Variants in FADS2 observed in about 807,000 individuals in gnomAD.
The protein encoded by FADS2 is fatty acid desaturase 2, also known as acyl-CoA 6-desaturase.
FADS2 carries 18 observed loss-of-function variants against 61.2 expected under a neutral mutation model. That is an observed-to-expected ratio of 0.29 (90% confidence interval 0.20 to 0.44). The LOEUF is 0.44. FADS2 is among the 20% of genes least tolerant of loss of function. The pLI is 1.00. For missense variants in FADS2, 322 were observed against 572.7 expected (o/e 0.56, Z 4.47); for synonymous variants, 203 against 223.9 (o/e 0.91, Z 0.83).
chr11:61,843,751 C>T (rs1287609865), intron 4 of FADS2, among the ~76,000 whole-genome samples: 2 of 152,114 alleles, frequency 1.3e-5, no homozygotes, highest in African/African-American at 2.4e-5. Flanking sequence ...CTCCGTCTCC[C>T]GGGTTCAAGC....
At chr11:61,819,378 C>A (rs1408731522) in intron 1 of FADS2, among the ~76,000 whole-genome samples, 1 of 152,070 alleles carries the variant, frequency 6.6e-6, no homozygotes, top group Non-Finnish European at 1.5e-5. Context: ...GAGTTCAAGA[C>A]CAGCCTGAAC....
intron 5 of FADS2, chr11:61,848,932 C>T (rs1369882241): frequency 6.6e-6 from 1 of 152,400 alleles, no homozygotes; most frequent in Admixed American, 6.5e-5. Context: ...CGGAGTCTTG[C>T]TCTGTTGCCC....
intron 7 of FADS2, 122 bp downstream of exon 7, chr11:61,857,652 T>C: frequency 3.9e-6 from 3 of 761,422 alleles, no homozygotes; most frequent in South Asian, 2.9e-5. Context: ...AGGCATCTCC[T>C]CCCTGGGGTA....
At chr11:61,857,621 C>T (rs1177634021) in intron 7 of FADS2, 91 bp downstream of exon 7, 7 of 1,179,334 alleles carry the variant, frequency 5.9e-6, no homozygotes, top group Non-Finnish European at 7.6e-6. Flanking sequence ...TCGTGTGCCC[C>T]AGTGGAGCCT....
intron 10 of FADS2, among the ~76,000 whole-genome samples, chr11:61,864,568 A>G (rs2067445618): frequency 6.7e-6 from 1 of 149,214 alleles, no homozygotes; most frequent in South Asian, 2.1e-4. Context: ...TAATTTTTGT[A>G]TTTTTTAGTG....
chr11:61,833,672 A>G (rs2067147522), intron 1 of FADS2, among the ~76,000 whole-genome samples: 1 of 152,194 alleles, frequency 6.6e-6, no homozygotes. Flanking sequence ...AGCCACTCCC[A>G]TGGCCCCGTG....
intron 4 of FADS2, among the ~76,000 whole-genome samples, chr11:61,841,551 A>G (rs1231350905): frequency 1.3e-5 from 2 of 150,978 alleles, no homozygotes; most frequent in African/African-American, 4.9e-5. Context: ...AAAAAAAAAA[A>G]GAAAAAGAAA....
chr11:61,845,907 CTTG>C (rs2067254708), intron 4 of FADS2, among the ~76,000 whole-genome samples: 1 of 152,092 alleles, frequency 6.6e-6, no homozygotes, highest in Admixed American at 6.6e-5. Flanking sequence ...TCACTGCCTC[CTTG>C]TTGTCAGCCC....
chr11:61,863,047 C>T lies in FADS2; in HGVS notation c.958C>T (p.Leu320Phe), dbSNP rs1190899629. 4.3e-6 allele frequency: 7 copies of T among 1,614,186 alleles called. No individual in the cohort carries two copies. The highest frequency in any genetic ancestry group is 5.9e-6 in the Non-Finnish European group (7 of 1,179,984). Residue 320 changes from leucine (L) to phenylalanine (F), a missense_variant, in exon 8 of 12, where the codon CTC (leucine) becomes TTC (phenylalanine). Around this residue, in one of 3 missense-constraint regions of FADS2, gnomAD observed 221 missense variants for 427.9 expected, o/e 0.52. Coordinates refer to ENST00000278840, the MANE Select transcript of FADS2 (RefSeq NM_004265.4). ...YIPFYGILGALLFLNFIRFLE... is the reference protein window; with the variant it reads ...YIPFYGILGAFLFLNFIRFLE... The stretch of plus-strand genomic sequence containing the variant: ...CCCTTTCTACGGCATCCTGGGAGCC[C>T]TCCTTTTCCTCAACTTCATCAGGTG...
In FADS2 at chr11:61,828,441, G is replaced by C; in HGVS notation, c.51G>C (p.Ser17=). 6.3e-7 allele frequency: 1 copy of C among 1,594,822 alleles called. No individual in the cohort carries two copies. The highest frequency in any genetic ancestry group is 8.5e-7 in the Non-Finnish European group (1 of 1,172,324). Residue 17 remains serine (S), a synonymous_variant, in exon 1 of 12, where the codon TCG becomes TCC. Coordinates refer to ENST00000278840, the MANE Select transcript of FADS2 (RefSeq NM_004265.4). This position sits in a 1 kb window ranked among gnomAD's most constrained non-coding sequence, Gnocchi z 6.4. ...QGEGAAEREV[S]VPTFSWEEIQ... ...AGGGGGCCGCCGAGCGCGAGGTGTC[G>C]GTGCCCACCTTCAGCTGGGAGGAGA...
At chr11:61,830,351 T>A (rs1428150214) in intron 1 of FADS2, among the ~76,000 whole-genome samples, 1 of 152,266 alleles carries the variant, frequency 6.6e-6, no homozygotes, top group Non-Finnish European at 1.5e-5. Context: ...GAACGCTTAG[T>A]CTGGCAATTG....
rs746268842 is a variant in FADS2, at chr11:61,816,293, G to A, written c.8G>A (p.Gly3Asp). The change falls in exon 1 of 12, where the codon GGC becomes GAC. Residue 3 changes from glycine (G) to aspartate (D), a missense_variant. Transcript: ENST00000257261. This position sits in a 1 kb window ranked among gnomAD's most constrained non-coding sequence, Gnocchi z 7.0. ...CTCGGGGCTGCAGATGGAATGCACG[G>A]CAGGGAGGCGGGACCCTTTGTTTGT... 2 of 1,598,358 alleles carry A rather than the reference G, an allele frequency of 1.3e-6. No homozygotes were observed. The highest frequency in any genetic ancestry group is 2.2e-5 in the South Asian group (2 of 91,076).
At chr11:61,838,752 T>C (rs576923181) in intron 2 of FADS2, among the ~76,000 whole-genome samples, 1 of 152,132 alleles carries the variant, frequency 6.6e-6, no homozygotes, top group Non-Finnish European at 1.5e-5. Context: ...GCACATGAGA[T>C]CACCTGCCCT....
Position 61,848,226 on chromosome 11 carries a change from A to G in FADS2, c.686A>G (p.Lys229Arg). Residue 229 changes from lysine to arginine, a missense_variant, in exon 5 of 12, where the codon AAG (lysine) becomes AGG (arginine). By Grantham distance (26) the Lys-to-Arg change is conservative (BLOSUM62 2). Transcript: ENST00000278840. ...CACGCCAAGCCTAACATCTTCCACA[A>G]GGATCCCGATGTGAACATGCTGCAC... ...QHHAKPNIFH[K>R]DPDVNMLHVF... is the part of the protein sequence containing the mutation. 6.2e-7 allele frequency: 1 copy of G among 1,614,230 alleles called. No individual in the cohort carries two copies. The highest frequency in any genetic ancestry group is 8.5e-7 in the Non-Finnish European group (1 of 1,180,046).
chr11:61,821,973 C>CTT lies in FADS2; in HGVS notation c.141+5560_141+5561dup, dbSNP rs1179863779. On this transcript the variant is annotated intron_variant, in intron 1 of 11. Transcript: ENST00000257261. ...ATTCACGGGATTTCCTTAATGCAGT[C>CTT]TTTTTTTTTTTTTTGAGACAGAGTC... 2.5e-3 allele frequency among the ~76,000 whole-genome samples: 362 copies of CTT among 143,638 alleles called. 2 individuals are homozygous for CTT. The highest frequency in any genetic ancestry group is 8.2e-3 in the African/African-American group (322 of 39,370). The allele number at this position is 143,638 out of a possible 152,430, so 94.2% of individuals were successfully genotyped here.
intron 5 of FADS2, among the ~76,000 whole-genome samples, chr11:61,853,013 GGCATGGTGGCACAC>G (rs1215734437): frequency 6.6e-6 from 1 of 152,056 alleles, no homozygotes; most frequent in African/African-American, 2.4e-5. Flanking sequence ...AAATTAGCTG[GGCATGGTGGCACAC>G]GCCTGTAGTC....
intron 4 of FADS2, 88 bp downstream of exon 4, chr11:61,840,813 G>A: frequency 9.9e-7 from 1 of 1,010,316 alleles, no homozygotes; most frequent in Non-Finnish European, 1.6e-6. Flanking sequence ...GTGCTCTGAG[G>A]CTACAGGGTG....
rs1249448099 is a variant in FADS2, at chr11:61,818,790, G to A, written c.141+2364G>A. ...ATTTTTCCTATGTGACTGTGCAGTG[G>A]GATAAAAGCTCTCATACTGCTGGTA... On this transcript the variant is annotated intron_variant, in intron 1 of 11. Coordinates refer to the FADS2 transcript ENST00000257261. Among the ~76,000 whole-genome samples, 4 of 152,214 alleles carry A rather than the reference G, an allele frequency of 2.6e-5. No individual in the cohort carries two copies. In the East Asian group the frequency reaches 7.7e-4, roughly 29 times the overall value.
intron 2 of FADS2, 112 bp downstream of exon 2, chr11:61,838,000 G>T: frequency 1.3e-6 from 1 of 759,500 alleles, no homozygotes. Flanking sequence ...AGGCAGGGGT[G>T]CTTTTGTCCT....
Sources: allele counts gnomAD v4.1 joint callset (sites outside exome capture counted in the v4.1 genomes callset), GRCh38; gene constraint gnomAD v4.1.1; regional missense constraint gnomAD v4.1.1; non-coding constraint Gnocchi (gnomAD v3.1); transcripts MANE v1.5; gene names NCBI Gene and HGNC (gene_info 2026-07-23, HGNC 2026-07-21).